The following TMEM117 variants were observed in gnomAD, a reference collection of about 807,000 sequenced individuals.
The protein encoded by TMEM117 is transmembrane protein 117.
In TMEM117, 27 loss-of-function variants were observed where a neutral mutation model predicts 52.4. The ratio of observed to expected loss-of-function variants is 0.51; its 90% CI spans 0.38 to 0.71. The LOEUF (loss-of-function observed/expected upper bound fraction) is 0.71, where lower values mean the gene tolerates loss of function less well. Ranked by LOEUF, TMEM117 falls within the 30% of genes least tolerant of loss-of-function variation. The probability of loss-of-function intolerance (pLI) is 0.00; values close to 1 mark genes in which losing one functional copy is unlikely to be tolerated. For synonymous variants in TMEM117, 215 were observed against 206.3 expected, an observed-to-expected ratio of 1.04 and a Z score of -0.36; for missense variants, 556 against 630.5, an observed-to-expected ratio of 0.88 and a Z score of 1.26.
Position 43,999,232 on chromosome 12 carries a change from C to CT in TMEM117, c.410+54892dup, listed in dbSNP as rs1401495757. ...TGGATGATAATTACAAGGATGTTCA[C>CT]TTAGTAAGAATTCACTGAGTTTTAC... On this transcript the variant is annotated intron_variant, in intron 3 of 7. Transcript: ENST00000266534. 2.2e-4 allele frequency among the ~76,000 whole-genome samples: 33 copies of CT among 152,144 alleles called. 1 individual carries two copies. Among genetic ancestry groups the CT allele is most frequent in the Non-Finnish European group, 4.7e-4 (32 of 68,020 alleles).
chr12:43,818,487 C>G, the TMEM117 span, among the ~76,000 whole-genome samples: 1 of 151,122 alleles, frequency 6.6e-6, no homozygotes, highest in Non-Finnish European at 1.5e-5. Flanking sequence ...GTCGCCTGGA[C>G]TGGAGTGTAG....
intron 3 of TMEM117, among the ~76,000 whole-genome samples, chr12:43,987,041 A>G (rs1945859715): frequency 6.6e-6 from 1 of 152,174 alleles, no homozygotes; most frequent in Admixed American, 6.5e-5. Flanking sequence ...AGTATCTCAG[A>G]ATGTGATTAT....
At chr12:43,997,824 A>G (rs948035193) in intron 3 of TMEM117, among the ~76,000 whole-genome samples, 1 of 152,128 alleles carries the variant, frequency 6.6e-6, no homozygotes, top group Non-Finnish European at 1.5e-5. Flanking sequence ...TCCATTTTGT[A>G]TATGAGGAAA....
intron 3 of TMEM117, among the ~76,000 whole-genome samples, chr12:44,017,074 A>T (rs768994964): frequency 1.2e-4 from 19 of 152,104 alleles, no homozygotes; most frequent in Non-Finnish European, 2.6e-4. Context: ...ATCACCAAGG[A>T]GATGGGAAAG....
At chr12:44,123,494 G>GT (rs1246481661) in intron 3 of TMEM117, among the ~76,000 whole-genome samples, 1 of 152,092 alleles carries the variant, frequency 6.6e-6, no homozygotes, top group African/African-American at 2.4e-5. Flanking sequence ...GTCCTGAATG[G>GT]TATTGCCTAG....
chr12:44,011,407 G>A (rs1341563026), intron 3 of TMEM117, among the ~76,000 whole-genome samples: 1 of 152,102 alleles, frequency 6.6e-6, no homozygotes, highest in Non-Finnish European at 1.5e-5. Flanking sequence ...TTCTGTTGCT[G>A]CTCCTGTGAT....
chr12:44,396,373 A>G, the TMEM117 span, among the ~76,000 whole-genome samples: 2 of 152,030 alleles, frequency 1.3e-5, no homozygotes, highest in South Asian at 4.1e-4. Flanking sequence ...TTTATCTATT[A>G]TAGTATCTTT....
intron 2 of TMEM117, among the ~76,000 whole-genome samples, chr12:43,934,214 T>C (rs1213830460): frequency 1.3e-5 from 2 of 152,168 alleles, no homozygotes; most frequent in Non-Finnish European, 2.9e-5. Flanking sequence ...AGTATTAATA[T>C]AGCATTCTTT....
intron 5 of TMEM117, among the ~76,000 whole-genome samples, chr12:44,221,455 C>A (rs1949787532): frequency 6.6e-6 from 1 of 152,120 alleles, no homozygotes; most frequent in Non-Finnish European, 1.5e-5. Flanking sequence ...TTACTGATAT[C>A]ATTCAGTATA....
intron 4 of TMEM117, among the ~76,000 whole-genome samples, chr12:44,148,968 C>T (rs1474691944): frequency 6.6e-6 from 1 of 152,132 alleles, no homozygotes; most frequent in African/African-American, 2.4e-5. Flanking sequence ...CTGCTTTGCT[C>T]CTCTCCCTAC....
the TMEM117 span, chr12:43,799,318 A>G: frequency 3.4e-6 from 3 of 895,508 alleles, no homozygotes; most frequent in African/African-American, 5.1e-5. Context: ...ATCTCTAGTT[A>G]TCCTCCCACA....
rs11182315 is a variant in TMEM117 at position 43,871,093 on chromosome 12, G to T, written c.277+26165G>T. Among the ~76,000 whole-genome samples, 1,145 of 146,756 alleles carry T rather than the reference G, an allele frequency of 7.8e-3. 14 individuals carry two copies. Among genetic ancestry groups the T allele is most frequent in the African/African-American group, 0.028 (1,087 of 38,958 alleles). On this transcript the variant is annotated intron_variant, in intron 2 of 7. Transcript: ENST00000266534. ...AGCCACTGCACCCAGCCTTCTTTTTGTTTTTTTTTTTTTGTTTGTTTGTTT... is the reference window on the plus strand; with the variant it reads ...AGCCACTGCACCCAGCCTTCTTTTTTTTTTTTTTTTTTTGTTTGTTTGTTT...
At chr12:44,193,277 T>C (rs1263763324) in intron 4 of TMEM117, among the ~76,000 whole-genome samples, 1 of 152,128 alleles carries the variant, frequency 6.6e-6, no homozygotes, top group Admixed American at 6.6e-5. Context: ...AGCAACAATT[T>C]CCCAATACAA....
intron 5 of TMEM117, among the ~76,000 whole-genome samples, chr12:44,227,535 A>G (rs1949878722): frequency 1.3e-5 from 2 of 152,174 alleles, no homozygotes; most frequent in Non-Finnish European, 2.9e-5. Context: ...AGTTGGAACA[A>G]AATGGGTTTT....
chr12:43,958,295 T>C (rs1945341586), intron 3 of TMEM117, among the ~76,000 whole-genome samples: 1 of 152,240 alleles, frequency 6.6e-6, no homozygotes, highest in South Asian at 2.1e-4. Context: ...AAAATCCTTC[T>C]GTGAACTGGA....
intron 5 of TMEM117, among the ~76,000 whole-genome samples, chr12:44,231,655 C>A (rs1199245945): frequency 6.6e-6 from 1 of 151,716 alleles, no homozygotes; most frequent in Non-Finnish European, 1.5e-5. Flanking sequence ...ACATTTTAGC[C>A]AATCCGGTGG....
chr12:44,320,559 TCTATTA>T (rs1461814575), intron 6 of TMEM117, among the ~76,000 whole-genome samples: 1 of 152,154 alleles, frequency 6.6e-6, no homozygotes, highest in Non-Finnish European at 1.5e-5. Flanking sequence ...CATTTTACAC[TCTATTA>T]AATTTTGAAA....
chr12:44,192,141 T>C (rs1949363271), intron 4 of TMEM117, among the ~76,000 whole-genome samples: 1 of 152,106 alleles, frequency 6.6e-6, no homozygotes, highest in Non-Finnish European at 1.5e-5. Context: ...ATACCAGTAA[T>C]GTGGGAAGTG....
At chr12:44,283,134 G>T (rs1038731489) in intron 5 of TMEM117, among the ~76,000 whole-genome samples, 1 of 152,254 alleles carries the variant, frequency 6.6e-6, no homozygotes, top group Non-Finnish European at 1.5e-5. Context: ...CCAGGCAAAA[G>T]TTTGCTGCAG....
Sources: gnomAD v4.1 joint callset for allele counts (sites outside exome capture counted in the v4.1 genomes callset) on GRCh38, gnomAD v4.1.1 for gene constraint, MANE v1.5 for transcripts, NCBI Gene and HGNC (gene_info 2026-07-23, HGNC 2026-07-21) for gene names.